The following BMP2K variants were observed in gnomAD, a reference collection of about 807,000 sequenced individuals.
BMP2K encodes BMP2 inducible kinase, also known as BMP-2-inducible protein kinase.
Under a neutral mutation model 116.0 loss-of-function variants are expected in BMP2K, and 74 were observed. The ratio of observed to expected loss-of-function variants is 0.64; its 90% CI spans 0.53 to 0.77. The LOEUF is 0.77. Ranked by LOEUF, BMP2K falls within the 30% of genes least tolerant of loss-of-function variation. The pLI is 0.00. For synonymous variants in BMP2K, 486 were observed against 502.5 expected (o/e 0.97, Z 0.44); for missense variants, 1,365 against 1,403.6 (o/e 0.97, Z 0.44).
intron 9 of BMP2K, among the ~76,000 whole-genome samples, chr4:78,864,408 T>C (rs1731944569): frequency 6.6e-6 from 1 of 151,702 alleles, no homozygotes; most frequent in Non-Finnish European, 1.5e-5. Flanking sequence ...GATATATATA[T>C]CGGTGTATAT....
chr4:78,909,408 G>T (rs1734462904), intron 15 of BMP2K, among the ~76,000 whole-genome samples: 1 of 151,682 alleles, frequency 6.6e-6, no homozygotes, highest in Non-Finnish European at 1.5e-5. Context: ...TTTAATAATA[G>T]CTTTCCATTA....
At chr4:78,855,133 T>C (rs944512136) in intron 7 of BMP2K, among the ~76,000 whole-genome samples, 1 of 152,142 alleles carries the variant, frequency 6.6e-6, no homozygotes, top group Non-Finnish European at 1.5e-5. Flanking sequence ...TGATTGAACA[T>C]ATTATCAGCT....
At chr4:78,788,597 A>G (rs1272200262) in intron 1 of BMP2K, among the ~76,000 whole-genome samples, 3 of 152,130 alleles carry the variant, frequency 2.0e-5, no homozygotes, top group Non-Finnish European at 4.4e-5. Context: ...CAAAATTGGT[A>G]CTTGTTTTTA....
rs527943972 is a variant in BMP2K at position 78,810,410 on chromosome 4, C to T, written c.179-15627C>T. Among the ~76,000 whole-genome samples the T allele has an allele frequency of 4.6e-5, 7 of 152,286 alleles. No homozygotes were observed. The East Asian group carries it at 1.4e-3, about 29-fold the overall frequency. ...CCCTGTAGATATCTCATTCCTACTTCGACTTAAGTTTTTTGGTCGACCTCT... is the reference window on the plus strand; with the variant it reads ...CCCTGTAGATATCTCATTCCTACTTTGACTTAAGTTTTTTGGTCGACCTCT... On this transcript the variant is annotated intron_variant, in intron 1 of 15. Coordinates refer to ENST00000502613, the MANE Select transcript of BMP2K (RefSeq NM_198892.2).
At chr4:78,878,586 C>T (rs777489527) in intron 13 of BMP2K, 148 bp from the exon 14 acceptor site, 9 of 654,940 alleles carry the variant, frequency 1.4e-5, no homozygotes, top group Admixed American at 3.4e-5. Context: ...TCTCCCTCTC[C>T]ATCTCATGCC....
chr4:78,838,790 T>C (rs1423593460), intron 3 of BMP2K, among the ~76,000 whole-genome samples: 2 of 152,242 alleles, frequency 1.3e-5, no homozygotes, highest in Non-Finnish European at 2.9e-5. Context: ...AGGTATTCAA[T>C]GTTTACCATC....
chr4:78,842,464 T>C lies in BMP2K; in HGVS notation c.483T>C (p.Asp161=). 1 of 1,609,612 alleles carries C rather than the reference T, an allele frequency of 6.2e-7. No homozygotes were observed. The highest frequency in any genetic ancestry group is 8.5e-7 in the Non-Finnish European group (1 of 1,176,772). ...CAGAAGTGTTACAGATATTCTGTGA[T>C]ACCTGTGAAGCTGTTGCAAGGTTGC... ...TEPEVLQIFC[D]TCEAVARLHQ... is the part of the protein sequence containing the mutation. Residue 161 remains aspartate (D), a synonymous_variant, in exon 4 of 16, where the codon GAT becomes GAC. Transcript: ENST00000502613.
chr4:78,897,997 G>T (rs1733793336), intron 15 of BMP2K, among the ~76,000 whole-genome samples: 1 of 152,160 alleles, frequency 6.6e-6, no homozygotes, highest in South Asian at 2.1e-4. Flanking sequence ...GTTGAGTTGG[G>T]ATTGGGAAAT....
At chr4:78,806,088 A>G (rs1728804895) in intron 1 of BMP2K, among the ~76,000 whole-genome samples, 1 of 152,112 alleles carries the variant, frequency 6.6e-6, no homozygotes, top group African/African-American at 2.4e-5. Context: ...TTTTTAACTA[A>G]TTATCTTATA....
At chr4:78,834,621 G>A (rs1240042742) in intron 3 of BMP2K, among the ~76,000 whole-genome samples, 1 of 152,156 alleles carries the variant, frequency 6.6e-6, no homozygotes, top group Admixed American at 6.6e-5. Flanking sequence ...AAACTTGCAA[G>A]CCATATTTGG....
intron 15 of BMP2K, chr4:78,888,207 AT>A (rs1401222421): frequency 6.6e-6 from 1 of 152,138 alleles, no homozygotes; most frequent in African/African-American, 2.4e-5. Flanking sequence ...TCTCTTTGAC[AT>A]TTATTAAAAA....
At chr4:78,804,783 A>G (rs1431786224) in intron 1 of BMP2K, among the ~76,000 whole-genome samples, 1 of 121,554 alleles carries the variant, frequency 8.2e-6, no homozygotes, top group East Asian at 2.4e-4. Context: ...TTGTCTTTTT[A>G]TTGTTCAGGG....
At position 78,913,196 on chromosome 4, in the gene BMP2K, T is replaced by G. The variant is rs1189149492; in HGVS notation, c.*1163T>G. 6.6e-6 allele frequency: 1 copy of G among 152,108 alleles called. No homozygotes were observed. Among genetic ancestry groups the G allele is most frequent in the African/African-American group, 2.4e-5 (1 of 41,434 alleles). 9.4% of individuals were successfully genotyped at this position (152,108 alleles called of 1,614,324 possible). A position where few individuals can be genotyped will look rare whatever the true frequency, so the allele number is the denominator to read the frequency against. On this transcript the variant is annotated 3_prime_UTR_variant, in exon 16 of 16. Coordinates refer to ENST00000502613, the MANE Select transcript of BMP2K (RefSeq NM_198892.2). ...ATGGTGACACCCACAAAGCCTTATATAAAGGCAGGATTCATGCATCCTGCT... is the reference window on the plus strand; with the variant it reads ...ATGGTGACACCCACAAAGCCTTATAGAAAGGCAGGATTCATGCATCCTGCT...
intron 1 of BMP2K, among the ~76,000 whole-genome samples, chr4:78,811,673 T>C (rs1729097618): frequency 6.6e-6 from 1 of 152,256 alleles, no homozygotes; most frequent in Admixed American, 6.5e-5. Flanking sequence ...AAATGAGTGC[T>C]GTTTTACCAA....
At chr4:78,819,640 A>G (rs771641883) in intron 1 of BMP2K, among the ~76,000 whole-genome samples, 8 of 152,180 alleles carry the variant, frequency 5.3e-5, no homozygotes, top group Non-Finnish European at 8.8e-5. Context: ...TGGTCACACA[A>G]TTAGTAATGG....
chr4:78,780,296 G>A (rs1189629168), intron 1 of BMP2K, among the ~76,000 whole-genome samples: 1 of 152,192 alleles, frequency 6.6e-6, no homozygotes, highest in African/African-American at 2.4e-5. Context: ...GGGCTGGGTA[G>A]GAATGATAGT....
intron 9 of BMP2K, among the ~76,000 whole-genome samples, chr4:78,864,493 A>G (rs1051164604): frequency 6.6e-6 from 1 of 151,122 alleles, no homozygotes; most frequent in Admixed American, 6.6e-5. Context: ...TCCCATCTAG[A>G]GCTTAAGTGT....
intron 15 of BMP2K, chr4:78,899,057 T>C (rs778802674): frequency 9.2e-5 from 14 of 152,244 alleles, no homozygotes; most frequent in Non-Finnish European, 1.8e-4. Context: ...AGGTTGGAAG[T>C]AGAGCAGGTC....
At chr4:78,825,713 A>T (rs2109998337) in intron 1 of BMP2K, among the ~76,000 whole-genome samples, 2 of 152,338 alleles carry the variant, frequency 1.3e-5, no homozygotes, top group South Asian at 4.1e-4. Flanking sequence ...GTAGGCAGTC[A>T]CTTGTATATA....
Sources: gnomAD v4.1 joint callset for allele counts (sites outside exome capture counted in the v4.1 genomes callset) on GRCh38, gnomAD v4.1.1 for gene constraint, MANE v1.5 for transcripts, NCBI Gene and HGNC (gene_info 2026-07-23, HGNC 2026-07-21) for gene names.